WDPCP: variants seen among roughly 807,000 people sequenced by gnomAD.
The protein encoded by WDPCP is WD repeat-containing and planar cell polarity effector protein fritz homolog.
WDPCP carries 71 observed loss-of-function variants against 93.1 expected under a neutral mutation model. The ratio of observed to expected loss-of-function variants is 0.76; its 90% CI spans 0.63 to 0.93. The LOEUF (loss-of-function observed/expected upper bound fraction) is 0.93, where lower values mean the gene tolerates loss of function less well. Ranked by LOEUF, WDPCP falls within the 40% of genes least tolerant of loss-of-function variation. The pLI is 0.00. For synonymous variants in WDPCP, 315 were observed against 315.0 expected (o/e 1.00, Z 0.00); for missense variants, 844 against 887.4 (o/e 0.95, Z 0.62).
intron 3 of WDPCP, among the ~76,000 whole-genome samples, chr2:63,603,307 T>C (rs1361690049): frequency 1.3e-5 from 2 of 152,190 alleles, no homozygotes; most frequent in Non-Finnish European, 2.9e-5. Context: ...GGAGCTGTTA[T>C]TACCCTTATT....
intron 12 of WDPCP, among the ~76,000 whole-genome samples, chr2:63,316,891 T>A (rs1229397049): frequency 6.6e-6 from 1 of 152,234 alleles, no homozygotes; most frequent in South Asian, 2.1e-4. Flanking sequence ...TGCATTTCTA[T>A]ACACCAATAA....
At chr2:63,237,387 C>T (rs563389474) in intron 14 of WDPCP, among the ~76,000 whole-genome samples, 3 of 152,160 alleles carry the variant, frequency 2.0e-5, no homozygotes, top group African/African-American at 7.2e-5. Context: ...GGTGGGAATG[C>T]AAAAATCAGT....
At chr2:63,483,276 C>A (rs992630549) in intron 6 of WDPCP, among the ~76,000 whole-genome samples, 5 of 151,854 alleles carry the variant, frequency 3.3e-5, no homozygotes, top group African/African-American at 1.2e-4. Context: ...AAGTTTGGTA[C>A]TAAGTTTGAA....
chr2:63,558,056 A>C (rs1448539479), intron 1 of WDPCP, among the ~76,000 whole-genome samples: 1 of 152,184 alleles, frequency 6.6e-6, no homozygotes, highest in Non-Finnish European at 1.5e-5. Context: ...AAAGATCTCA[A>C]ATCAACACCA....
intron 2 of WDPCP, among the ~76,000 whole-genome samples, chr2:63,789,962 G>A (rs1670523958): frequency 6.6e-6 from 1 of 152,172 alleles, no homozygotes; most frequent in African/African-American, 2.4e-5. Context: ...ATTGTGAATT[G>A]TGATATTGTT....
intron 1 of WDPCP, among the ~76,000 whole-genome samples, chr2:63,526,563 C>G (rs1703353229): frequency 6.6e-6 from 1 of 152,206 alleles, no homozygotes; most frequent in Non-Finnish European, 1.5e-5. Flanking sequence ...CATTTTCCTC[C>G]ATAGCTGACT....
intron 6 of WDPCP, among the ~76,000 whole-genome samples, chr2:63,458,137 GA>G (rs890733951): frequency 2.5e-4 from 27 of 106,150 alleles, no homozygotes; most frequent in East Asian, 1.6e-3. Flanking sequence ...AAAAAAAAAA[GA>G]AAAAAAAAAC....
chr2:63,352,342 A>G (rs985137862), intron 12 of WDPCP, among the ~76,000 whole-genome samples: 3 of 152,164 alleles, frequency 2.0e-5, no homozygotes, highest in Non-Finnish European at 2.9e-5. Flanking sequence ...TTAAGTTTCA[A>G]TACTTTCCTA....
chr2:63,504,494 T>C (rs896192934), intron 1 of WDPCP, among the ~76,000 whole-genome samples: 1 of 152,064 alleles, frequency 6.6e-6, no homozygotes, highest in East Asian at 1.9e-4. Flanking sequence ...AATTTATAAA[T>C]ATGGAAACTG....
intron 14 of WDPCP, among the ~76,000 whole-genome samples, chr2:63,226,579 C>T (rs1469001093): frequency 6.6e-6 from 1 of 151,664 alleles, no homozygotes; most frequent in African/African-American, 2.4e-5. Flanking sequence ...AAAATATTTC[C>T]CAGCTATTCC....
At chr2:63,745,771 A>C (rs578078992) in intron 2 of WDPCP, among the ~76,000 whole-genome samples, 27 of 152,208 alleles carry the variant, frequency 1.8e-4, no homozygotes, top group African/African-American at 6.5e-4. Flanking sequence ...ACTCCTGATG[A>C]GTATGAGGGA....
At chr2:63,783,166 G>A (rs1670419443) in intron 2 of WDPCP, among the ~76,000 whole-genome samples, 1 of 151,876 alleles carries the variant, frequency 6.6e-6, no homozygotes, top group African/African-American at 2.4e-5. Context: ...TAAACTCAGT[G>A]CTTTGGGAGG....
chr2:63,366,267 A>C (rs1379271829), intron 12 of WDPCP, among the ~76,000 whole-genome samples: 4 of 152,160 alleles, frequency 2.6e-5, no homozygotes, highest in Non-Finnish European at 5.9e-5. Context: ...ACTCTTAGCT[A>C]ATAACAATGA....
At chr2:63,809,030 CG>C (rs1438127709) in intron 2 of WDPCP, among the ~76,000 whole-genome samples, 3 of 151,670 alleles carry the variant, frequency 2.0e-5, no homozygotes, top group Admixed American at 6.6e-5. Context: ...TCTACCCGGC[CG>C]GGACCCCGTC....
intron 3 of WDPCP, among the ~76,000 whole-genome samples, chr2:63,634,182 C>G (rs1709897598): frequency 6.6e-6 from 1 of 152,090 alleles, no homozygotes; most frequent in Admixed American, 6.5e-5. Context: ...TTTAAGAAAA[C>G]ACATAGGCTG....
At chr2:63,305,379 G>A (rs537691463) in intron 13 of WDPCP, among the ~76,000 whole-genome samples, 7 of 152,274 alleles carry the variant, frequency 4.6e-5, no homozygotes, top group Admixed American at 3.3e-4. Flanking sequence ...CCTCTGGGAC[G>A]AAGGAACAGG....
At chr2:63,206,669 G>T (rs936593308) in intron 14 of WDPCP, among the ~76,000 whole-genome samples, 2 of 151,916 alleles carry the variant, frequency 1.3e-5, no homozygotes. Context: ...CGCAGGCTGG[G>T]CTCAAGTGAT....
At chr2:63,828,165 C>CTT (rs765669536), upstream of WDPCP, among the ~76,000 whole-genome samples, 40 of 145,000 alleles carry the variant, frequency 2.8e-4, no homozygotes, top group African/African-American at 9.8e-4. Context: ...TGTGGATTTA[C>CTT]TTTTTTTTTT....
chr2:63,219,071 G>A (rs1677595017), intron 14 of WDPCP, among the ~76,000 whole-genome samples: 1 of 152,126 alleles, frequency 6.6e-6, no homozygotes, highest in Non-Finnish European at 1.5e-5. Context: ...TTACATGTAT[G>A]CATAGTGTCA....
Sources: gnomAD v4.1 joint callset for allele counts (sites outside exome capture counted in the v4.1 genomes callset) on GRCh38, gnomAD v4.1.1 for gene constraint, MANE v1.5 for transcripts, NCBI Gene and HGNC (gene_info 2026-07-23, HGNC 2026-07-21) for gene names.